The following ANK3 variants were observed in gnomAD, a reference collection of about 807,000 sequenced individuals.
ANK3 encodes ankyrin 3.
ANK3 carries 57 observed loss-of-function variants against 370.9 expected under a neutral mutation model. The ratio of observed to expected loss-of-function variants is 0.15; its 90% CI spans 0.12 to 0.19. The LOEUF is 0.19. ANK3 is among the 10% of genes least tolerant of loss of function. The probability of loss-of-function intolerance (pLI) is 1.00; values close to 1 mark genes in which losing one functional copy is unlikely to be tolerated. For synonymous variants in ANK3, 1,929 were observed against 1,946.3 expected (o/e 0.99, Z 0.23); for missense variants, 4,439 against 5,302.1 (o/e 0.84, Z 5.06).
chr10:60,449,888 T>C (rs75224225), intron 2 of ANK3, among the ~76,000 whole-genome samples: 2,018 of 152,166 alleles, frequency 0.013, 28 homozygotes, highest in Non-Finnish European at 0.019. Flanking sequence ...CACAACTAAG[T>C]AATAGATGGT....
chr10:60,270,169 G>T lies in ANK3; in HGVS notation c.475C>A (p.Leu159Ile), dbSNP rs1566129458. ...CTCTGGCTTGCACCATTGTCAAGAA[G>T]AAACTTGACAACTTCCAGGTGATTT... ...QENHLEVVKF[L>I]LDNGASQSLA... Residue 159 changes from leucine to isoleucine, a missense_variant, in exon 5 of 44, where the codon CTT becomes ATT. Around this residue, in one of 13 missense-constraint regions of ANK3, gnomAD observed 136 missense variants for 230.5 expected, o/e 0.59. Transcript: ENST00000280772. 6.2e-7 allele frequency: 1 copy of T among 1,601,034 alleles called. No homozygotes were observed.
chr10:60,723,415 A>G (rs2079893123), intron 1 of ANK3, among the ~76,000 whole-genome samples: 1 of 152,244 alleles, frequency 6.6e-6, no homozygotes, highest in Non-Finnish European at 1.5e-5. Flanking sequence ...ACAAAGTGTT[A>G]GTGTAGATGA....
chr10:60,186,950 A>G (rs1381205204), intron 16 of ANK3, 38 bp from the exon 17 acceptor site: 2 of 1,595,874 alleles, frequency 1.3e-6, no homozygotes, highest in Non-Finnish European at 1.7e-6. Flanking sequence ...GCCCAGGAAC[A>G]AGATAAAAAT....
At chr10:60,190,386 T>A (rs930517996) in intron 16 of ANK3, among the ~76,000 whole-genome samples, 1 of 141,114 alleles carries the variant, frequency 7.1e-6, no homozygotes. Context: ...GCAGATTGCC[T>A]ACTCTGTATT....
intron 2 of ANK3, among the ~76,000 whole-genome samples, chr10:60,585,210 C>A (rs2077814578): frequency 6.6e-6 from 1 of 152,098 alleles, no homozygotes; most frequent in African/African-American, 2.4e-5. Context: ...AGTTAGAGAG[C>A]CTTGATGTAT....
intron 10 of ANK3, 124 bp from the exon 11 acceptor site, chr10:60,206,014 G>A: frequency 1.5e-6 from 1 of 679,266 alleles, no homozygotes; most frequent in Middle Eastern, 3.1e-4. Context: ...AAGTACCAGG[G>A]TTAAGCAGCA....
At chr10:60,395,568 C>CTTTCT (rs774901441) in intron 2 of ANK3, among the ~76,000 whole-genome samples, 2,686 of 116,656 alleles carry the variant, frequency 0.023, 62 homozygotes, top group Non-Finnish European at 0.03. Context: ...TTCTTTCTTT[C>CTTTCT]TTTCTTTCTT....
At chr10:60,720,184 C>T (rs1161944350) in intron 1 of ANK3, among the ~76,000 whole-genome samples, 1 of 152,114 alleles carries the variant, frequency 6.6e-6, no homozygotes, top group Non-Finnish European at 1.5e-5. Flanking sequence ...TATATTAGCA[C>T]AGATATTACA....
chr10:60,338,151 A>G (rs1404977238), intron 1 of ANK3, among the ~76,000 whole-genome samples: 1 of 152,182 alleles, frequency 6.6e-6, no homozygotes, highest in Non-Finnish European at 1.5e-5. Context: ...TCTGAGGTTC[A>G]GTATAGTGTG....
At chr10:60,496,995 T>C (rs1485141620) in intron 2 of ANK3, among the ~76,000 whole-genome samples, 2 of 152,120 alleles carry the variant, frequency 1.3e-5, no homozygotes, top group African/African-American at 4.8e-5. Context: ...CAGTATCAGT[T>C]TTAGAAAAAA....
chr10:60,194,025 G>T (rs904005145), intron 16 of ANK3, among the ~76,000 whole-genome samples: 1 of 152,078 alleles, frequency 6.6e-6, no homozygotes, highest in Admixed American at 6.6e-5. Context: ...GGAGGCTGAG[G>T]CAGGAGAATC....
intron 1 of ANK3, among the ~76,000 whole-genome samples, chr10:60,338,850 A>C (rs1296722079): frequency 3.3e-5 from 5 of 152,204 alleles, no homozygotes; most frequent in Non-Finnish European, 7.3e-5. Flanking sequence ...ATGAAAATGC[A>C]ATCTACTCAG....
At chr10:60,724,427 T>TC (rs1564624308) in intron 1 of ANK3, among the ~76,000 whole-genome samples, 1 of 151,276 alleles carries the variant, frequency 6.6e-6, no homozygotes, top group Admixed American at 6.6e-5. Context: ...TTTGCCCTCT[T>TC]CCCCCCAAAA....
intron 18 of ANK3, among the ~76,000 whole-genome samples, chr10:60,176,299 A>G (rs1313537730): frequency 6.9e-6 from 1 of 145,764 alleles, no homozygotes; most frequent in African/African-American, 2.5e-5. Flanking sequence ...TGGGAAGCTG[A>G]TGCTGCAGTG....
chr10:60,493,636 T>A (rs915268030), intron 2 of ANK3, among the ~76,000 whole-genome samples: 8 of 152,026 alleles, frequency 5.3e-5, no homozygotes, highest in Non-Finnish European at 1.2e-4. Context: ...TGAGTTTTTT[T>A]AGAGAGAAAT....
intron 2 of ANK3, among the ~76,000 whole-genome samples, chr10:60,483,469 T>C (rs2075274981): frequency 6.6e-6 from 1 of 152,176 alleles, no homozygotes; most frequent in Admixed American, 6.5e-5. Context: ...CCCATTTTCT[T>C]CTTTACTCAG....
intron 1 of ANK3, among the ~76,000 whole-genome samples, chr10:60,627,239 A>G (rs1263096112): frequency 6.6e-6 from 1 of 152,136 alleles, no homozygotes; most frequent in Non-Finnish European, 1.5e-5. Context: ...ATGAAATTAC[A>G]TAGCAAATCA....
chr10:60,076,900 A>AT (rs2083964186), intron 36 of ANK3, among the ~76,000 whole-genome samples: 1 of 152,170 alleles, frequency 6.6e-6, no homozygotes, highest in Non-Finnish European at 1.5e-5. Context: ...TACAACTTTC[A>AT]TTTTAGTAAT....
chr10:60,613,247 T>C (rs1178781112), intron 2 of ANK3, among the ~76,000 whole-genome samples: 1 of 152,156 alleles, frequency 6.6e-6, no homozygotes, highest in Admixed American at 6.5e-5. Flanking sequence ...CCTGGAAATA[T>C]AGTAGGAATG....
Sources: gnomAD v4.1 joint callset for allele counts (sites outside exome capture counted in the v4.1 genomes callset) on GRCh38, gnomAD v4.1.1 for gene constraint, gnomAD v4.1.1 regional missense constraint, MANE v1.5 for transcripts, NCBI Gene and HGNC (gene_info 2026-07-23, HGNC 2026-07-21) for gene names.